Variants in IQCK observed in about 807,000 individuals in gnomAD.
IQCK encodes IQ domain-containing protein K.
IQCK carries 29 observed loss-of-function variants against 28.1 expected under a neutral mutation model. That is an observed-to-expected ratio of 1.03 (90% CI 0.77 to 1.41). The LOEUF (loss-of-function observed/expected upper bound fraction) is 1.41. IQCK is among the 40% of genes most tolerant of loss of function. The probability of loss-of-function intolerance (pLI) is 0.00; values close to 1 mark genes in which losing one functional copy is unlikely to be tolerated. For missense variants in IQCK, 359 were observed against 314.7 expected (o/e 1.14, Z -1.07); for synonymous variants, 113 against 115.1 (o/e 0.98, Z 0.12).
At position 19,812,057 on chromosome 16, in the gene IQCK, G is replaced by A. The variant is rs191815247; in HGVS notation, c.691-14969G>A. Among the ~76,000 whole-genome samples the A allele has an allele frequency of 8.7e-5, 13 of 148,784 alleles. No homozygotes were observed. The Admixed American group carries it at 8.9e-4, about 10-fold the overall frequency. On this transcript the variant is annotated intron_variant, in intron 7 of 7. Coordinates refer to ENST00000564186, the Ensembl canonical transcript of IQCK. ...GACTAGAGTACAGTGGTGCAAACTC[G>A]GCTCACTGCAGTCTCTGCCTCCCGG...
At chr16:19,809,631 G>C (rs1273737969) in intron 7 of IQCK, among the ~76,000 whole-genome samples, 5 of 152,236 alleles carry the variant, frequency 3.3e-5, no homozygotes, top group Non-Finnish European at 7.3e-5. Context: ...AGATTCAAGA[G>C]AGAGGTGATA....
chr16:19,835,540 A>G (rs952871506), intron 9 of IQCK, among the ~76,000 whole-genome samples: 4 of 151,568 alleles, frequency 2.6e-5, no homozygotes, highest in Non-Finnish European at 4.4e-5. Flanking sequence ...CATTGTTGTA[A>G]CTATATTCTA....
At chr16:19,774,725 T>A (rs1468478360) in intron 6 of IQCK, among the ~76,000 whole-genome samples, 4 of 152,218 alleles carry the variant, frequency 2.6e-5, no homozygotes, top group Admixed American at 6.5e-5. Flanking sequence ...TATTCATAAG[T>A]GGCCTGGCTA....
chr16:19,816,114 C>T (rs949400623), intron 7 of IQCK, among the ~76,000 whole-genome samples: 3 of 152,100 alleles, frequency 2.0e-5, no homozygotes, highest in Non-Finnish European at 2.9e-5. Context: ...TAGAAAAAGC[C>T]CTGGGAATCA....
chr16:19,856,680 A>T, exon 10 of IQCK: 1 of 719,198 alleles, frequency 1.4e-6, no homozygotes. Context: ...TCTTTTCTGT[A>T]CAAGATAGGA....
intron 4 of IQCK, among the ~76,000 whole-genome samples, chr16:19,742,377 G>T (rs1278549991): frequency 1.3e-5 from 2 of 152,118 alleles, no homozygotes; most frequent in Non-Finnish European, 2.9e-5. Flanking sequence ...CGGTCATCTA[G>T]TCTTTTGTGG....
rs760243560 is a variant in IQCK at position 19,718,450 on chromosome 16, G to A, written c.144G>A (p.Glu48=). The change falls in exon 1 of 8, where the codon GAG becomes GAA. Residue 48 remains glutamate (E), a synonymous_variant. Coordinates refer to ENST00000564186, the Ensembl canonical transcript of IQCK. ...CTGTCTCGTCGTGGCAGGTCACCGA[G>A]CCGTCAAGCAAGAATCTGTGGGAGC... The A allele has an allele frequency of 1.1e-5, 18 of 1,607,332 alleles. No homozygotes were observed. In the South Asian group the frequency reaches 1.8e-4, roughly 16 times the overall value.
At chr16:19,738,050 T>C (rs1387917396) in intron 4 of IQCK, among the ~76,000 whole-genome samples, 1 of 152,198 alleles carries the variant, frequency 6.6e-6, no homozygotes, top group East Asian at 1.9e-4. Flanking sequence ...AAGACATTCT[T>C]AGCCCACATA....
At chr16:19,809,941 G>A (rs2141065405) in intron 7 of IQCK, among the ~76,000 whole-genome samples, 1 of 152,318 alleles carries the variant, frequency 6.6e-6, no homozygotes, top group East Asian at 1.9e-4. Flanking sequence ...CGTGAGGGCA[G>A]TGGTGCTCAA....
intron 9 of IQCK, among the ~76,000 whole-genome samples, chr16:19,853,626 ATCTC>A (rs969626336): frequency 1.3e-5 from 2 of 151,084 alleles, no homozygotes; most frequent in African/African-American, 2.4e-5. Context: ...TCTGCCAGCT[ATCTC>A]TCTCTCTCTT....
intron 9 of IQCK, among the ~76,000 whole-genome samples, chr16:19,835,030 C>T (rs1183798692): frequency 6.6e-6 from 1 of 152,076 alleles, no homozygotes; most frequent in Non-Finnish European, 1.5e-5. Flanking sequence ...TTTGGGAGGC[C>T]GAGGCAGGCG....
intron 9 of IQCK, among the ~76,000 whole-genome samples, chr16:19,855,781 G>A (rs750190677): frequency 1.3e-5 from 2 of 152,066 alleles, no homozygotes. Flanking sequence ...CTGTGGCCTG[G>A]CTCAAACCAC....
chr16:19,843,975 T>C (rs1003706213), intron 9 of IQCK, among the ~76,000 whole-genome samples: 6 of 152,166 alleles, frequency 3.9e-5, no homozygotes, highest in East Asian at 1.9e-4. Flanking sequence ...ATCTCACTTA[T>C]CCATTAATCA....
chr16:19,801,011 A>G (rs758598242), intron 7 of IQCK, among the ~76,000 whole-genome samples: 1 of 132,110 alleles, frequency 7.6e-6, no homozygotes, highest in Non-Finnish European at 1.5e-5. Flanking sequence ...GTGTGTGTAA[A>G]TATGCAAAAA....
chr16:19,756,896 CAAAAAA>C (rs34600488), intron 4 of IQCK, among the ~76,000 whole-genome samples: 3 of 96,196 alleles, frequency 3.1e-5, no homozygotes, highest in African/African-American at 6.4e-5. Flanking sequence ...GGCTCCATGT[CAAAAAA>C]AAAAAAAAAA....
chr16:19,818,557 T>C (rs2056021373), intron 7 of IQCK, among the ~76,000 whole-genome samples: 1 of 152,124 alleles, frequency 6.6e-6, no homozygotes, highest in African/African-American at 2.4e-5. Context: ...GATGCCCACC[T>C]AATTTTTGTA....
At chr16:19,828,226 CTTTTCTTTT>C (rs2056176204), downstream of IQCK, among the ~76,000 whole-genome samples, 1 of 125,368 alleles carries the variant, frequency 8.0e-6, no homozygotes, top group African/African-American at 3.0e-5. Context: ...CGTTTTCTTT[CTTTTCTTTT>C]TTTTTTTTTT....
intron 3 of IQCK, among the ~76,000 whole-genome samples, chr16:19,734,435 G>A (rs1977940996): frequency 6.7e-6 from 1 of 148,200 alleles, no homozygotes; most frequent in Admixed American, 6.7e-5. Flanking sequence ...ACTCCAGCCT[G>A]GGCAACAGAC....
intron 6 of IQCK, among the ~76,000 whole-genome samples, chr16:19,781,266 A>T (rs1406732374): frequency 6.6e-6 from 1 of 152,212 alleles, no homozygotes; most frequent in Non-Finnish European, 1.5e-5. Context: ...TTTTTAAAAA[A>T]TGGTTATATC....
Sources: allele counts gnomAD v4.1 joint callset (sites outside exome capture counted in the v4.1 genomes callset), GRCh38; gene constraint gnomAD v4.1.1; transcripts MANE v1.5; gene names NCBI Gene and HGNC (gene_info 2026-07-23, HGNC 2026-07-21).